The following KCNG2 variants were observed in gnomAD, a reference collection of about 807,000 sequenced individuals.
KCNG2 encodes the protein voltage-gated potassium channel regulatory subunit KCNG2.
In KCNG2, 7 loss-of-function variants were observed where a neutral mutation model predicts 12.3. That is an observed-to-expected ratio of 0.57 (90% CI 0.32 to 1.07). KCNG2 has a LOEUF of 1.07. Among genes scored for constraint, KCNG2 ranks in the 50% least tolerant of loss-of-function variants. KCNG2 has a pLI of 0.04. For synonymous variants in KCNG2, 414 were observed against 351.4 expected (o/e 1.18, Z -1.99); for missense variants, 703 against 726.0 (o/e 0.97, Z 0.36).
rs2087402105 is a variant in KCNG2, at chr18:79,800,662, G to C, written c.-115+2648G>C. ...CCTTCACAGCCGCGGCTTTCCGGCAGGAGCCTCAGCAGTTCCTTCCCCGGG... is the reference window on the plus strand; with the variant it reads ...CCTTCACAGCCGCGGCTTTCCGGCACGAGCCTCAGCAGTTCCTTCCCCGGG... On this transcript the variant is annotated intron_variant, in intron 1 of 3. Coordinates refer to ENST00000316249, the MANE Select transcript of KCNG2 (RefSeq NM_012283.2). This position sits in a 1 kb window ranked among gnomAD's most constrained non-coding sequence, Gnocchi z 4.0. Among the ~76,000 whole-genome samples the C allele has an allele frequency of 6.6e-6, 1 of 152,238 alleles. No individual in the cohort carries two copies. Among genetic ancestry groups the C allele is most frequent in the South Asian group, 2.1e-4 (1 of 4,834 alleles).
At chr18:79,883,378 G>A (rs1006876054) in intron 3 of KCNG2, among the ~76,000 whole-genome samples, 1 of 152,236 alleles carries the variant, frequency 6.6e-6, no homozygotes, top group Non-Finnish European at 1.5e-5. Flanking sequence ...ATAAAGCTGA[G>A]CTCTGATGAG....
chr18:79,806,493 C>T (rs2087451043), intron 1 of KCNG2, among the ~76,000 whole-genome samples: 1 of 152,112 alleles, frequency 6.6e-6, no homozygotes, highest in African/African-American at 2.4e-5. Context: ...GCTGGGGGCC[C>T]CTGAGTTATG....
At chr18:79,877,582 C>A (rs564632916) in intron 3 of KCNG2, among the ~76,000 whole-genome samples, 35 of 152,048 alleles carry the variant, frequency 2.3e-4, no homozygotes, top group South Asian at 1.5e-3. Flanking sequence ...CTCCGCCCCC[C>A]CCGAGAGTCA....
chr18:79,825,231 T>C (rs1323431457), intron 1 of KCNG2, among the ~76,000 whole-genome samples: 1 of 152,236 alleles, frequency 6.6e-6, no homozygotes, highest in Admixed American at 6.5e-5. Context: ...CAAATGTGTT[T>C]GCAAAGAGGA....
intron 1 of KCNG2, among the ~76,000 whole-genome samples, chr18:79,804,548 C>G (rs2087434936): frequency 6.6e-6 from 1 of 152,234 alleles, no homozygotes; most frequent in Non-Finnish European, 1.5e-5. Flanking sequence ...GAAACACACC[C>G]CAGCCCCAGA....
At chr18:79,856,887 C>T (rs1355101695) in intron 2 of KCNG2, among the ~76,000 whole-genome samples, 1 of 151,794 alleles carries the variant, frequency 6.6e-6, no homozygotes, top group Non-Finnish European at 1.5e-5. Flanking sequence ...CCTTTAATCC[C>T]CCAGAGCGCT....
chr18:79,850,656 C>T (rs767525921), intron 1 of KCNG2, among the ~76,000 whole-genome samples: 9 of 152,184 alleles, frequency 5.9e-5, no homozygotes, highest in Non-Finnish European at 1.3e-4. Context: ...TCCTGCTCGT[C>T]GTTTTGAGAA....
chr18:79,828,177 G>A (rs966977366), intron 1 of KCNG2, among the ~76,000 whole-genome samples: 1 of 152,106 alleles, frequency 6.6e-6, no homozygotes. Flanking sequence ...CGCCCACCTC[G>A]GCCTCCCAAA....
chr18:79,863,885 G>C lies in KCNG2; in HGVS notation c.218G>C (p.Arg73Pro). 1 of 1,470,932 alleles carries C rather than the reference G, an allele frequency of 6.8e-7. No homozygotes were observed. The allele number at this position is 1,470,932 out of a possible 1,614,324, so 91.1% of individuals were successfully genotyped here. ...AGCCGCGACGAGTTCTTCTTCGACC[G>C]CAGCCCGTGCGCCTTCCGCGCCATC... ...DVSRDEFFFD[R>P]SPCAFRAIVA... Residue 73 changes from arginine (R) to proline (P), a missense_variant, in exon 3 of 4, where the codon CGC becomes CCC. Transcript: ENST00000316249.
chr18:79,882,818 GAGCGCGGAGGCCGGGTA>G (rs1980359902), intron 3 of KCNG2, among the ~76,000 whole-genome samples: 2 of 151,542 alleles, frequency 1.3e-5, no homozygotes, highest in Admixed American at 6.6e-5. Flanking sequence ...CCTGCGCGTG[GAGCGCGGAGGCCGGGTA>G]CACCTGCGCG....
At position 79,899,917 on chromosome 18, in the gene KCNG2, G is replaced by A. The variant is rs193071442; in HGVS notation, c.*101G>A. The A allele has an allele frequency of 2.6e-4, 292 of 1,102,808 alleles. No individual in the cohort carries two copies. Among genetic ancestry groups the A allele is most frequent in the Non-Finnish European group, 3.2e-4 (275 of 863,402 alleles). The allele number at this position is 1,102,808 out of a possible 1,614,324, so 68.3% of individuals were successfully genotyped here. A position where few individuals can be genotyped will look rare whatever the true frequency, so the allele number is the denominator to read the frequency against. ...TGGGGGGCGTCTGGCCTGGGGGAGC[G>A]GCTCCTGCCGGCCGCGTCCTCGGCC... On this transcript the variant is annotated 3_prime_UTR_variant, in exon 4 of 4. Coordinates refer to ENST00000316249, the MANE Select transcript of KCNG2 (RefSeq NM_012283.2).
intron 3 of KCNG2, among the ~76,000 whole-genome samples, chr18:79,878,416 G>A (rs1435178080): frequency 6.7e-6 from 1 of 149,474 alleles, no homozygotes; most frequent in African/African-American, 2.5e-5. Flanking sequence ...GGCAGTGTGC[G>A]GAGGGCGCCT....
intron 3 of KCNG2, among the ~76,000 whole-genome samples, chr18:79,868,421 G>A (rs1042572475): frequency 2.4e-4 from 37 of 152,336 alleles, no homozygotes; most frequent in Middle Eastern, 3.4e-3. Flanking sequence ...AGAAGCAGTC[G>A]CCCTCTGCAT....
intron 1 of KCNG2, among the ~76,000 whole-genome samples, chr18:79,834,674 T>G (rs1978314137): frequency 6.6e-6 from 1 of 152,152 alleles, no homozygotes; most frequent in Admixed American, 6.5e-5. Context: ...CTTGAGATAA[T>G]GGGAGTGCTA....
chr18:79,798,339 G>A (rs1443034270), intron 1 of KCNG2, among the ~76,000 whole-genome samples: 1 of 152,116 alleles, frequency 6.6e-6, no homozygotes, highest in African/African-American at 2.4e-5. Flanking sequence ...CGTGGATGGA[G>A]GTCTCGGCCG....
chr18:79,881,902 C>A (rs11662267), intron 3 of KCNG2, among the ~76,000 whole-genome samples: 2 of 152,030 alleles, frequency 1.3e-5, no homozygotes, highest in Non-Finnish European at 2.9e-5. Flanking sequence ...GGAATAGAAC[C>A]ACATGAATGG....
At chr18:79,887,193 A>G (rs1244041740) in intron 3 of KCNG2, among the ~76,000 whole-genome samples, 1 of 140,284 alleles carries the variant, frequency 7.1e-6, no homozygotes, top group Non-Finnish European at 1.5e-5. Flanking sequence ...CACAGGACAG[A>G]TGGGGACAGG....
intron 1 of KCNG2, among the ~76,000 whole-genome samples, chr18:79,850,901 G>A (rs1978792448): frequency 6.6e-6 from 1 of 152,192 alleles, no homozygotes; most frequent in African/African-American, 2.4e-5. Flanking sequence ...TCAAGACCAG[G>A]TGGCCGCACA....
chr18:79,899,616 G>A lies in KCNG2; in HGVS notation c.1201G>A (p.Val401Ile), dbSNP rs751841591. The change falls in exon 4 of 4, where the codon GTC becomes ATC. Residue 401 changes from valine (V) to isoleucine (I), a missense_variant. By Grantham distance (29) the Val-to-Ile change is conservative. Transcript: ENST00000316249. ...CGGCATCCTGCTCATGGCCTTCCCGGTCACCTCCATCTTCCACACCTTTTC... is the reference window on the plus strand; with the variant it reads ...CGGCATCCTGCTCATGGCCTTCCCGATCACCTCCATCTTCCACACCTTTTC... ...LSGILLMAFP[V>I]TSIFHTFSRS... 7.7e-5 allele frequency: 123 copies of A among 1,599,304 alleles called. No individual in the cohort carries two copies. Among genetic ancestry groups the A allele is most frequent in the Admixed American group, 1.7e-4 (10 of 58,630 alleles).
Sources: gnomAD v4.1 joint callset for allele counts (sites outside exome capture counted in the v4.1 genomes callset) on GRCh38, gnomAD v4.1.1 for gene constraint, Gnocchi (gnomAD v3.1) non-coding constraint, MANE v1.5 for transcripts, NCBI Gene and HGNC (gene_info 2026-07-23, HGNC 2026-07-21) for gene names.